The following TMC1 variants were observed in gnomAD, a reference collection of about 807,000 sequenced individuals.
TMC1 encodes transmembrane channel-like protein 1.
A neutral mutation model predicts 105.8 loss-of-function variants in TMC1; 84 were observed. That is an observed-to-expected ratio of 0.79 (90% CI 0.67 to 0.95). TMC1 has a LOEUF of 0.95. Among genes scored for constraint, TMC1 ranks in the 40% least tolerant of loss-of-function variants. The pLI, the probability that TMC1 is intolerant of heterozygous loss-of-function variation, is 0.00. For synonymous variants in TMC1, 315 were observed against 311.5 expected (o/e 1.01, Z -0.12); for missense variants, 817 against 914.1 (o/e 0.89, Z 1.37).
Position 72,754,891 on chromosome 9 carries a change from G to A in TMC1, c.741+7G>A. On this transcript the variant is annotated splice_region_variant and intron_variant, in intron 12 of 23. Transcript: ENST00000297784. ...TGTGTTGTACGACTTCAATGTAAGT[G>A]TCTCCACACAAGTGTATTGGTGGGA... The A allele has an allele frequency of 6.2e-7, 1 of 1,605,032 alleles. No individual in the cohort carries two copies. The highest frequency in any genetic ancestry group is 8.5e-7 in the Non-Finnish European group (1 of 1,171,704).
At chr9:72,752,067 G>A in intron 11 of TMC1, 111 bp downstream of exon 11, 1 of 814,058 alleles carries the variant, frequency 1.2e-6, no homozygotes, top group African/African-American at 1.7e-5. Flanking sequence ...ACGTCTTAGA[G>A]TCATAGGATT....
chr9:72,809,225 G>A (rs1201041528), intron 18 of TMC1, among the ~76,000 whole-genome samples: 1 of 152,148 alleles, frequency 6.6e-6, no homozygotes, highest in African/African-American at 2.4e-5. Flanking sequence ...GTGCAAATAT[G>A]AAGTCAATAT....
At chr9:72,786,639 C>T (rs1828172386) in intron 13 of TMC1, among the ~76,000 whole-genome samples, 2 of 152,114 alleles carry the variant, frequency 1.3e-5, no homozygotes, top group Non-Finnish European at 2.9e-5. Context: ...ATACATTTTG[C>T]TCTATAGACA....
chr9:72,660,417 T>C (rs994496786), intron 5 of TMC1, among the ~76,000 whole-genome samples: 3 of 152,180 alleles, frequency 2.0e-5, no homozygotes, highest in Admixed American at 6.5e-5. Context: ...AATAGCATTT[T>C]CTCCTTCAAT....
Position 72,625,452 on chromosome 9 carries a change from G to A in TMC1, c.-195-2469G>A, listed in dbSNP as rs189399990. 6.9e-3 allele frequency among the ~76,000 whole-genome samples: 1,054 copies of A among 152,172 alleles called. 17 individuals are homozygous for A. Among genetic ancestry groups the A allele is most frequent in the South Asian group, 0.044 (211 of 4,822 alleles). ...GCCTGTAATCCCAGCACTTTGGGAG[G>A]CCGAGGCAGGTGGATCACGAGATCA... On this transcript the variant is annotated intron_variant, in intron 3 of 23. Transcript: ENST00000297784.
chr9:72,556,459 T>G (rs1199850433), intron 1 of TMC1, among the ~76,000 whole-genome samples: 3 of 151,836 alleles, frequency 2.0e-5, no homozygotes, highest in Non-Finnish European at 4.4e-5. Flanking sequence ...CTTAGGAACG[T>G]CTCACAAATT....
At chr9:72,549,151 A>G (rs1823818643) in intron 1 of TMC1, among the ~76,000 whole-genome samples, 2 of 152,238 alleles carry the variant, frequency 1.3e-5, no homozygotes, top group African/African-American at 4.8e-5. Flanking sequence ...TATTTACTAC[A>G]AGTGCTTGCA....
At chr9:72,563,725 C>T (rs1169982759) in intron 1 of TMC1, among the ~76,000 whole-genome samples, 1 of 151,576 alleles carries the variant, frequency 6.6e-6, no homozygotes, top group Non-Finnish European at 1.5e-5. Flanking sequence ...ATGGTGAAAC[C>T]CCATCTCTAC....
intron 1 of TMC1, among the ~76,000 whole-genome samples, chr9:72,567,546 G>C (rs962869307): frequency 6.6e-6 from 1 of 152,160 alleles, no homozygotes; most frequent in African/African-American, 2.4e-5. Flanking sequence ...CTCTTCACGG[G>C]GTGGCGGGAG....
intron 3 of TMC1, among the ~76,000 whole-genome samples, chr9:72,617,946 T>TGC (rs1462247897): frequency 4.3e-5 from 6 of 140,022 alleles, no homozygotes; most frequent in African/African-American, 1.6e-4. Context: ...TGTGTGTGTG[T>TGC]GTGTATGTGT....
In TMC1 at chr9:72,672,382, C is replaced by T. The variant is rs551972450; in HGVS notation, c.17-16327C>T. The stretch of plus-strand genomic sequence containing the variant: ...CCTTATAAAATTAAATTAATTCAAT[C>T]TGCAAAAATATTAAATGGTAAGAGA... On this transcript the variant is annotated intron_variant, in intron 5 of 23. Coordinates refer to ENST00000297784, the MANE Select transcript of TMC1 (RefSeq NM_138691.3). 6.6e-5 allele frequency among the ~76,000 whole-genome samples: 10 copies of T among 151,962 alleles called. No individual in the cohort carries two copies. In the East Asian group the frequency reaches 1.9e-3, roughly 29 times the overall value.
chr9:72,627,083 T>C (rs1825360931), intron 3 of TMC1, among the ~76,000 whole-genome samples: 1 of 152,048 alleles, frequency 6.6e-6, no homozygotes, highest in South Asian at 2.1e-4. Context: ...AAATCTCTTA[T>C]TGTTTATTTC....
intron 21 of TMC1, among the ~76,000 whole-genome samples, chr9:72,828,984 T>C (rs977375848): frequency 2.0e-5 from 3 of 152,204 alleles, no homozygotes; most frequent in Non-Finnish European, 2.9e-5. Context: ...AGTCTGGCAG[T>C]CATCTTCATC....
At position 72,826,980 on chromosome 9, in the gene TMC1, C is replaced by A. The variant is rs1303829910; in HGVS notation, c.2115C>A (p.Val705=). 6.2e-7 allele frequency: 1 copy of A among 1,614,018 alleles called. No individual in the cohort carries two copies. The highest frequency in any genetic ancestry group is 1.6e-4 in the Middle Eastern group (1 of 6,062). The change falls in exon 21 of 24, where the codon GTC becomes GTA. Residue 705 remains valine, a synonymous_variant. Transcript: ENST00000297784. ...CAAACCCTGGGCTGGTCATTGCTGT[C>A]ATTTTGGTGATGGTGTATGTGCTTT... ...QLSNPGLVIA[V]ILVMVLAIYY...
Position 72,835,936 on chromosome 9 carries a change from C to CTTTTTTG in TMC1, c.2261-14_2261-13insTTTTTGT. On this transcript the variant is annotated splice_polypyrimidine_tract_variant and intron_variant, in intron 23 of 23. Coordinates refer to ENST00000297784, the MANE Select transcript of TMC1 (RefSeq NM_138691.3). The stretch of plus-strand genomic sequence containing the variant: ...CCTTGTTTTTTTTTTTTTTTTTTTT[C>CTTTTTTG]TGTTTTGTGAACAGCTGCAGCTGCT... The CTTTTTTG allele has an allele frequency of 5.0e-6, 3 of 603,550 alleles. No homozygotes were observed. The highest frequency in any genetic ancestry group is 3.3e-5 in the South Asian group (1 of 30,664). The allele number at this position is 603,550 out of a possible 1,614,324, so 37.4% of individuals were successfully genotyped here. A position where few individuals can be genotyped will look rare whatever the true frequency, so the allele number is the denominator to read the frequency against.
At chr9:72,820,793 G>C in intron 19 of TMC1, 49 bp from the exon 20 acceptor site, 2 of 1,611,720 alleles carry the variant, frequency 1.2e-6, no homozygotes, top group Non-Finnish European at 1.7e-6. Flanking sequence ...GTGTGACTTT[G>C]TTATGGAGTA....
intron 4 of TMC1, among the ~76,000 whole-genome samples, chr9:72,632,847 G>GTAA (rs991897207): frequency 6.6e-6 from 1 of 152,118 alleles, no homozygotes; most frequent in Admixed American, 6.5e-5. Context: ...CTTTTCTTAT[G>GTAA]TAATACCAAA....
In TMC1 at chr9:72,615,368, AT is replaced by A. The variant is rs551799468; in HGVS notation, c.-305-996del. The stretch of plus-strand genomic sequence containing the variant: ...TTGGAATTTGCACCCAGACAATTTA[AT>A]TTTAGAGCCTATTTTCAACCACTCT... On this transcript the variant is annotated intron_variant, in intron 2 of 23. Transcript: ENST00000297784. 1.1e-4 allele frequency among the ~76,000 whole-genome samples: 17 copies of A among 152,264 alleles called. No homozygotes were observed. In the South Asian group the frequency reaches 2.3e-3, roughly 21 times the overall value.
intron 2 of TMC1, among the ~76,000 whole-genome samples, chr9:72,613,352 C>T (rs564918318): frequency 1.3e-5 from 2 of 152,076 alleles, no homozygotes; most frequent in South Asian, 4.2e-4. Context: ...TCTTCAACTC[C>T]CGAACTCAGA....
Sources: allele counts gnomAD v4.1 joint callset (sites outside exome capture counted in the v4.1 genomes callset), GRCh38; gene constraint gnomAD v4.1.1; transcripts MANE v1.5; gene names NCBI Gene and HGNC (gene_info 2026-07-23, HGNC 2026-07-21).